Variants in LYPD6B observed in about 807,000 individuals in gnomAD.
LYPD6B encodes the protein ly6/PLAUR domain-containing protein 6B.
A neutral mutation model predicts 22.8 loss-of-function variants in LYPD6B; 17 were observed. The observed-to-expected ratio is 0.75, with a 90% CI of 0.51 to 1.12. The LOEUF is 1.12. LYPD6B is among the 50% of genes most tolerant of loss of function. The pLI is 0.00. For synonymous variants in LYPD6B, 106 were observed against 91.6 expected (o/e 1.16, Z -0.90); for missense variants, 221 against 258.3 (o/e 0.86, Z 0.99).
At chr2:149,059,999 G>T (rs1684000543) in intron 1 of LYPD6B, among the ~76,000 whole-genome samples, 1 of 152,104 alleles carries the variant, frequency 6.6e-6, no homozygotes, top group Non-Finnish European at 1.5e-5. Flanking sequence ...GTCGGAGCAG[G>T]CCTTGAGGGA....
chr2:149,124,566 C>A (rs1409228754), intron 1 of LYPD6B, among the ~76,000 whole-genome samples: 7 of 152,136 alleles, frequency 4.6e-5, no homozygotes, highest in Non-Finnish European at 5.9e-5. Flanking sequence ...AGCATCACTT[C>A]TAACAGTCCT....
chr2:149,150,597 T>A (rs1689305339), intron 2 of LYPD6B, among the ~76,000 whole-genome samples: 1 of 152,012 alleles, frequency 6.6e-6, no homozygotes, highest in Non-Finnish European at 1.5e-5. Flanking sequence ...TTTTTTCCCC[T>A]TCTTCTCCAG....
chr2:149,206,113 C>A, intron 4 of LYPD6B: 1 of 411,084 alleles, frequency 2.4e-6, no homozygotes, highest in Non-Finnish European at 5.0e-6. Context: ...GTTCCCACGC[C>A]TGGAAGAGTA....
intron 2 of LYPD6B, among the ~76,000 whole-genome samples, chr2:149,140,021 G>A (rs1688592838): frequency 6.6e-6 from 1 of 152,126 alleles, no homozygotes; most frequent in Non-Finnish European, 1.5e-5. Context: ...TGTTGTGTGG[G>A]GGTGGATTTT....
intron 2 of LYPD6B, among the ~76,000 whole-genome samples, chr2:149,150,184 C>T (rs188537991): frequency 7.2e-5 from 11 of 152,302 alleles, no homozygotes; most frequent in African/African-American, 2.4e-4. Context: ...GCTTGGAGCC[C>T]TGAATCTTCT....
chr2:149,103,213 G>A (rs1023310648), intron 1 of LYPD6B, among the ~76,000 whole-genome samples: 1 of 152,184 alleles, frequency 6.6e-6, no homozygotes, highest in African/African-American at 2.4e-5. Context: ...GTGGAGATGA[G>A]TGCAGTGACA....
At chr2:149,181,326 T>C (rs564539502) in intron 3 of LYPD6B, among the ~76,000 whole-genome samples, 17 of 152,052 alleles carry the variant, frequency 1.1e-4, no homozygotes, top group African/African-American at 3.6e-4. Flanking sequence ...TAAAATGGCT[T>C]AATCCATGTT....
At chr2:149,131,565 T>C (rs952376849) in intron 2 of LYPD6B, 2 of 152,044 alleles carry the variant, frequency 1.3e-5, no homozygotes, top group Non-Finnish European at 2.9e-5. Flanking sequence ...AGGCCACTAA[T>C]TACTTTAGAG....
rs114728315 is a variant in LYPD6B at position 149,070,222 on chromosome 2, G to A, written c.-67+31421G>A. On this transcript the variant is annotated intron_variant, in intron 1 of 6. Coordinates refer to ENST00000409642, the MANE Select transcript of LYPD6B (RefSeq NM_177964.5). ...ACACGCCAGCCATGCTCTGCCACAGGACGTTGGCATTTCAATTTTCTCCCC... is the reference window on the plus strand; with the variant it reads ...ACACGCCAGCCATGCTCTGCCACAGAACGTTGGCATTTCAATTTTCTCCCC... Among the ~76,000 whole-genome samples the A allele has an allele frequency of 6.4e-3, 967 of 152,074 alleles. 13 individuals are homozygous for A. The highest frequency in any genetic ancestry group is 0.022 in the African/African-American group (915 of 41,484).
intron 1 of LYPD6B, among the ~76,000 whole-genome samples, chr2:149,123,736 C>T (rs1359483167): frequency 6.6e-6 from 1 of 152,098 alleles, no homozygotes; most frequent in African/African-American, 2.4e-5. Context: ...GTGGCACGCA[C>T]CCCCAGCTAC....
intron 5 of LYPD6B, among the ~76,000 whole-genome samples, chr2:149,211,393 C>T (rs997764817): frequency 6.6e-6 from 1 of 152,110 alleles, no homozygotes; most frequent in Non-Finnish European, 1.5e-5. Context: ...TCCTACTTTT[C>T]ACCATTTTCT....
intron 3 of LYPD6B, chr2:149,187,567 A>C (rs1369912773): frequency 3.5e-6 from 5 of 1,421,338 alleles, no homozygotes; most frequent in Middle Eastern, 3.7e-4. Flanking sequence ...AACAACATGA[A>C]GCCTGACACA....
chr2:149,076,610 G>T (rs566376298), intron 1 of LYPD6B, among the ~76,000 whole-genome samples: 9 of 152,118 alleles, frequency 5.9e-5, no homozygotes, highest in African/African-American at 2.2e-4. Context: ...AATATTTAGG[G>T]TATGTTTTCA....
intron 1 of LYPD6B, among the ~76,000 whole-genome samples, chr2:149,091,701 C>T (rs1685660368): frequency 6.6e-6 from 1 of 151,898 alleles, no homozygotes; most frequent in Non-Finnish European, 1.5e-5. Flanking sequence ...TTCTTGTCAT[C>T]AACTTATTTA....
chr2:149,087,321 A>G (rs192553649), intron 1 of LYPD6B, among the ~76,000 whole-genome samples: 127 of 152,290 alleles, frequency 8.3e-4, no homozygotes, highest in African/African-American at 3.0e-3. Context: ...GTTTAGTGAG[A>G]AAAAAATACC....
intron 5 of LYPD6B, 84 bp downstream of exon 5, chr2:149,208,496 A>T (rs1444782126): frequency 1.7e-6 from 2 of 1,155,600 alleles, no homozygotes; most frequent in East Asian, 2.4e-5. Context: ...TAGGAATCAG[A>T]TGTATTTTTT....
At chr2:149,209,993 G>C (rs539431825) in intron 5 of LYPD6B, among the ~76,000 whole-genome samples, 10 of 152,288 alleles carry the variant, frequency 6.6e-5, no homozygotes, top group African/African-American at 2.4e-4. Flanking sequence ...ATTTCAGAGA[G>C]TATCATCCTT....
At chr2:149,156,796 A>G (rs111772095) in intron 2 of LYPD6B, among the ~76,000 whole-genome samples, 6 of 152,338 alleles carry the variant, frequency 3.9e-5, no homozygotes, top group Non-Finnish European at 7.3e-5. Flanking sequence ...GTTGGGGTAC[A>G]CAGTTCAGCC....
chr2:149,161,002 G>T (rs190935058), intron 3 of LYPD6B, among the ~76,000 whole-genome samples, 167 bp downstream of exon 3: 2 of 152,136 alleles, frequency 1.3e-5, no homozygotes, highest in Non-Finnish European at 2.9e-5. Flanking sequence ...GTGATCCTGC[G>T]GTTTGGAAGC....
Sources: gnomAD v4.1 joint callset for allele counts (sites outside exome capture counted in the v4.1 genomes callset) on GRCh38, gnomAD v4.1.1 for gene constraint, MANE v1.5 for transcripts, NCBI Gene and HGNC (gene_info 2026-07-23, HGNC 2026-07-21) for gene names.